PCSK5: variants seen among roughly 807,000 people sequenced by gnomAD.
PCSK5 encodes proprotein convertase subtilisin/kexin type 5, also known as prohormone convertase 5.
In PCSK5, 129 loss-of-function variants were observed where a neutral mutation model predicts 233.2. That is an observed-to-expected ratio of 0.55 (90% CI 0.48 to 0.64). The LOEUF is 0.64. Ranked by LOEUF, PCSK5 falls within the 30% of genes least tolerant of loss-of-function variation. The pLI is 0.00. For synonymous variants in PCSK5, 825 were observed against 879.2 expected (o/e 0.94, Z 1.09); for missense variants, 2,076 against 2,430.1 (o/e 0.85, Z 3.06).
At chr9:75,999,111 G>A (rs1300349493) in intron 3 of PCSK5, among the ~76,000 whole-genome samples, 3 of 152,014 alleles carry the variant, frequency 2.0e-5, no homozygotes, top group Non-Finnish European at 4.4e-5. Context: ...TGTAGAACAT[G>A]CAGGTTTGTT....
At chr9:76,311,604 A>G (rs192554498) in intron 30 of PCSK5, among the ~76,000 whole-genome samples, 3 of 152,294 alleles carry the variant, frequency 2.0e-5, no homozygotes, top group Admixed American at 2.0e-4. Flanking sequence ...TTACCTAGGA[A>G]GAAAGTGAGG....
At chr9:76,028,034 A>G (rs71509850) in intron 5 of PCSK5, among the ~76,000 whole-genome samples, 10,353 of 152,226 alleles carry the variant, frequency 0.068, 508 homozygotes, top group African/African-American at 0.14. Flanking sequence ...CACTGTACCT[A>G]TGTGGTTTTT....
intron 5 of PCSK5, among the ~76,000 whole-genome samples, chr9:76,062,565 C>T (rs1335797722): frequency 6.6e-6 from 1 of 152,090 alleles, no homozygotes; most frequent in Non-Finnish European, 1.5e-5. Flanking sequence ...AGGGTTTATC[C>T]AGATATTTTC....
At chr9:76,282,120 CTTTTTT>C (rs71372059) in intron 24 of PCSK5, among the ~76,000 whole-genome samples, 67 of 14,490 alleles carry the variant, frequency 4.6e-3, no homozygotes, top group Non-Finnish European at 6.3e-3. Context: ...CTTTTCTTTG[CTTTTTT>C]TTTTTTTTTT....
chr9:76,228,294 G>A (rs544512275), intron 21 of PCSK5, among the ~76,000 whole-genome samples: 1 of 152,154 alleles, frequency 6.6e-6, no homozygotes, highest in East Asian at 1.9e-4. Flanking sequence ...GGGGTGAACT[G>A]TTTTTAAAGG....
intron 34 of PCSK5, among the ~76,000 whole-genome samples, chr9:76,335,183 A>C (rs1352745100): frequency 6.6e-6 from 1 of 152,232 alleles, no homozygotes; most frequent in Non-Finnish European, 1.5e-5. Flanking sequence ...CATCTTCCTC[A>C]AATCAAGTCA....
At position 76,283,064 on chromosome 9, in the gene PCSK5, T is replaced by G. The variant is rs11144818; in HGVS notation, c.3143-9169T>G. Among the ~76,000 whole-genome samples the G allele has an allele frequency of 2.0e-4, 30 of 152,332 alleles. 1 individual carries two copies. In the East Asian group the frequency reaches 5.4e-3, roughly 27 times the overall value. On this transcript the variant is annotated intron_variant, in intron 24 of 37. Transcript: ENST00000674117. ...AAATTTGAACAGACAAGAAATTGGT[T>G]CTTATGGTTGAGCAAAGAAAGTGGT...
At chr9:76,225,558 T>C (rs1825862838) in intron 20 of PCSK5, among the ~76,000 whole-genome samples, 1 of 152,232 alleles carries the variant, frequency 6.6e-6, no homozygotes, top group Non-Finnish European at 1.5e-5. Flanking sequence ...ATTTTGCTGG[T>C]ACCTGGACTG....
At chr9:75,936,860 C>G (rs1451825235) in intron 2 of PCSK5, among the ~76,000 whole-genome samples, 1 of 152,210 alleles carries the variant, frequency 6.6e-6, no homozygotes, top group Non-Finnish European at 1.5e-5. Flanking sequence ...GAAACACTAT[C>G]TATCAGAGCA....
intron 20 of PCSK5, among the ~76,000 whole-genome samples, chr9:76,192,969 A>G (rs1824483087): frequency 7.5e-6 from 1 of 133,108 alleles, no homozygotes; most frequent in Admixed American, 8.3e-5. Context: ...TTTCTAATTT[A>G]TTCTTTTTCT....
intron 24 of PCSK5, among the ~76,000 whole-genome samples, chr9:76,259,756 G>A (rs1827106737): frequency 6.6e-6 from 1 of 152,048 alleles, no homozygotes; most frequent in Admixed American, 6.5e-5. Flanking sequence ...CGTCCTCACA[G>A]GTAAATCTAT....
intron 28 of PCSK5, 86 bp from the exon 29 acceptor site, chr9:76,308,559 G>A: frequency 1.3e-6 from 1 of 768,816 alleles, no homozygotes; most frequent in Non-Finnish European, 2.3e-6. Flanking sequence ...AAAGAGACTA[G>A]GTAACCCATG....
chr9:75,988,329 T>C (rs1259133966), intron 3 of PCSK5, among the ~76,000 whole-genome samples: 1 of 151,888 alleles, frequency 6.6e-6, no homozygotes, highest in African/African-American at 2.4e-5. Context: ...TCTGTCAGGC[T>C]GGAGTACAGT....
intron 5 of PCSK5, among the ~76,000 whole-genome samples, chr9:76,052,474 C>T (rs1829664492): frequency 6.6e-6 from 1 of 152,160 alleles, no homozygotes; most frequent in African/African-American, 2.4e-5. Flanking sequence ...GGAAACTGCT[C>T]TTTATAAAAC....
rs1829738287 is a variant in PCSK5, at chr9:76,338,405, C to T, written c.4924C>T (p.Gln1642Ter). Residue 1642 changes from glutamine (Q) to a stop codon, truncating the protein, a stop_gained, in exon 35 of 38, where the codon CAG (glutamine) becomes TAG (stop). Coordinates refer to ENST00000674117, the MANE Select transcript of PCSK5 (RefSeq NM_001372043.1). LOFTEE classifies it high-confidence loss of function. ...CCATTACTATGTAGAGCAAAGCACA[C>T]AGACCTGTGAGAGATGCCATCCGAC... ...PDHYYVEQST[Q>*]TCERCHPTCD... 6.2e-7 allele frequency: 1 copy of T among 1,612,560 alleles called. No homozygotes were observed. The highest frequency in any genetic ancestry group is 8.5e-7 in the Non-Finnish European group (1 of 1,179,678).
chr9:76,281,169 A>G (rs10121762), intron 24 of PCSK5, among the ~76,000 whole-genome samples: 2 of 152,136 alleles, frequency 1.3e-5, no homozygotes, highest in South Asian at 4.1e-4. Context: ...ATGGAGGTTA[A>G]TATAGCAAAC....
At chr9:76,210,428 C>T (rs1825288074) in intron 20 of PCSK5, among the ~76,000 whole-genome samples, 1 of 152,124 alleles carries the variant, frequency 6.6e-6, no homozygotes, top group African/African-American at 2.4e-5. Context: ...CCTGACAGAG[C>T]ACAGGCCTCA....
At position 76,196,863 on chromosome 9, in the gene PCSK5, A is replaced by G. The variant is rs375492696; in HGVS notation, c.2626+7117A>G. Among the ~76,000 whole-genome samples the G allele has an allele frequency of 3.9e-5, 6 of 152,226 alleles. No individual in the cohort carries two copies. In the East Asian group the frequency reaches 1.2e-3, roughly 29 times the overall value. ...AAATTGATTGAGATTCCATATCCAG[A>G]TTCATAATAATAATACAATTTAACA... On this transcript the variant is annotated intron_variant, in intron 20 of 37. Coordinates refer to ENST00000674117, the MANE Select transcript of PCSK5 (RefSeq NM_001372043.1).
In PCSK5 at chr9:76,362,863, C is replaced by G. The variant is rs1830452085; in HGVS notation, c.*3941C>G. On this transcript the variant is annotated 3_prime_UTR_variant, in exon 38 of 38. Coordinates refer to ENST00000674117, the MANE Select transcript of PCSK5 (RefSeq NM_001372043.1). ...CGATCATGACCCTCTCACGTGGACC[C>G]CCTTAGAGTTGTGAGCCCTTAAAAG... Among the ~76,000 whole-genome samples the G allele has an allele frequency of 6.6e-6, 1 of 152,164 alleles. No individual in the cohort carries two copies. The highest frequency in any genetic ancestry group is 2.4e-5 in the African/African-American group (1 of 41,432).
Sources: allele counts gnomAD v4.1 joint callset (sites outside exome capture counted in the v4.1 genomes callset), GRCh38; gene constraint gnomAD v4.1.1; transcripts MANE v1.5; gene names NCBI Gene and HGNC (gene_info 2026-07-23, HGNC 2026-07-21).